COL16A1: variants seen among roughly 807,000 people sequenced by gnomAD.
COL16A1 encodes the protein collagen alpha-1(XVI) chain.
In COL16A1, 189 loss-of-function variants were observed where a neutral mutation model predicts 266.3. That is an observed-to-expected ratio of 0.71 (90% confidence interval 0.63 to 0.80). COL16A1 has a LOEUF of 0.80. COL16A1 is among the 30% of genes least tolerant of loss of function. COL16A1 has a pLI of 0.00. For missense variants in COL16A1, 1,928 were observed against 2,122.4 expected, an observed-to-expected ratio of 0.91 and a Z score of 1.80; for synonymous variants, 740 against 782.3, an observed-to-expected ratio of 0.95 and a Z score of 0.90.
chr1:31,655,805 C>T, intron 66 of COL16A1: 1 of 408,028 alleles, frequency 2.5e-6, no homozygotes, highest in East Asian at 4.8e-5. Flanking sequence ...CCTCAGCCTC[C>T]TCTCCCCACC....
At chr1:31,694,231 A>G in intron 11 of COL16A1, 61 bp from the exon 12 acceptor site, 1 of 1,462,296 alleles carries the variant, frequency 6.8e-7, no homozygotes, top group Non-Finnish European at 9.4e-7. Flanking sequence ...AGGGGCCCAG[A>G]GAAGTCAAGC....
chr1:31,690,630 G>A (rs1032412429), intron 20 of COL16A1, 57 bp from the exon 21 acceptor site: 41 of 1,592,830 alleles, frequency 2.6e-5, no homozygotes, highest in Admixed American at 2.1e-4. Context: ...ATCTCGGTGC[G>A]TTCCCCCTTC....
At chr1:31,675,381 T>C in intron 42 of COL16A1, 70 bp from the exon 43 acceptor site, 1 of 1,573,588 alleles carries the variant, frequency 6.4e-7, no homozygotes. Flanking sequence ...TGTTTCCTTC[T>C]CATCATCCCC....
intron 22 of COL16A1, 65 bp downstream of exon 22, chr1:31,690,302 A>G (rs1644201229): frequency 6.2e-7 from 1 of 1,608,260 alleles, no homozygotes; most frequent in African/African-American, 1.3e-5. Flanking sequence ...CTTGATGCTC[A>G]CTGTCATGTG....
At chr1:31,693,517 CAG>C (rs1180689067) in intron 12 of COL16A1, among the ~76,000 whole-genome samples, 1 of 152,196 alleles carries the variant, frequency 6.6e-6, no homozygotes, top group African/African-American at 2.4e-5. Flanking sequence ...GGCTGAGTGT[CAG>C]GCTGCCTGAC....
At position 31,689,779 on chromosome 1, in the gene COL16A1, C is replaced by T; in HGVS notation, c.1582G>A (p.Gly528Arg). 6.2e-7 allele frequency: 1 copy of T among 1,614,138 alleles called. No individual in the cohort carries two copies. Among genetic ancestry groups the T allele is most frequent in the Non-Finnish European group, 8.5e-7 (1 of 1,180,002 alleles). Residue 528 changes from glycine (G) to arginine (R), a missense_variant, in exon 23 of 71, where the codon GGG becomes AGG. Gly to Arg is a moderately radical substitution (Grantham distance 125). Coordinates refer to ENST00000373672, the MANE Select transcript of COL16A1 (RefSeq NM_001856.4). Reference sequence around the variant, plus strand: ...GGATCACCAGGCTCCCCTTTGGGCCCTGGCTTTCCAGGAAGTCCAACAAAG... The same window carrying T: ...GGATCACCAGGCTCCCCTTTGGGCCTTGGCTTTCCAGGAAGTCCAACAAAG... ...QNFVGLPGKP[G>R]PKGEPGDPVP...
rs1644297045 is a variant in COL16A1 at position 31,692,084 on chromosome 1, CAG to C, written c.1195-19_1195-18del. 6.2e-7 allele frequency: 1 copy of C among 1,613,316 alleles called. No individual in the cohort carries two copies. The highest frequency in any genetic ancestry group is 1.3e-5 in the African/African-American group (1 of 74,870). On this transcript the variant is annotated intron_variant, in intron 16 of 70. Coordinates refer to ENST00000373672, the MANE Select transcript of COL16A1 (RefSeq NM_001856.4). ...TTTCTGGCCCTGGGGAAGGAAGAAG[CAG>C]AGTGACCAGGATGAGGGAAGGGCCT... is the stretch of plus-strand genomic sequence containing the variant.
intron 22 of COL16A1, 115 bp downstream of exon 22, chr1:31,690,252 G>T (rs1644199097): frequency 4.0e-6 from 6 of 1,491,536 alleles, no homozygotes; most frequent in Non-Finnish European, 5.4e-6. Flanking sequence ...AACGGGTGGG[G>T]GTCCCCTGAG....
In COL16A1 at chr1:31,697,608, T is replaced by C. The variant is rs1209336597; in HGVS notation, c.657+298A>G. 6.6e-6 allele frequency among the ~76,000 whole-genome samples: 1 copy of C among 152,044 alleles called. No individual in the cohort carries two copies. Among genetic ancestry groups the C allele is most frequent in the African/African-American group, 2.4e-5 (1 of 41,390 alleles). ...GGCATTCCAGGTGGAGGTAACAGCG[T>C]AGGCAAAGGCACGGCAGTGTGAAAG... is the stretch of plus-strand genomic sequence containing the variant. On this transcript the variant is annotated intron_variant, in intron 6 of 70. Transcript: ENST00000373672. The surrounding 1 kb of genome is among the most constrained non-coding windows in gnomAD (Gnocchi z 4.2).
chr1:31,665,223 T>G lies in COL16A1; in HGVS notation c.3504A>C (p.Gly1168=). Reference sequence around the variant, plus strand: ...CAGGTGATCCAACTTTGCCTGGGAATCCAGGGGGACCCTGTATCAACAAAG... The same window carrying G: ...CAGGTGATCCAACTTTGCCTGGGAAGCCAGGGGGACCCTGTATCAACAAAG... ...PGFPGPPGPP[G]FPGKVGSPGP... The change falls in exon 56 of 71, where the codon GGA becomes GGC. Residue 1168 remains glycine (G), a synonymous_variant. Transcript: ENST00000373672. 1.9e-6 allele frequency: 3 copies of G among 1,597,380 alleles called. No homozygotes were observed. The South Asian group carries it at 3.4e-5, about 18-fold the overall frequency.
chr1:31,662,542 G>A (rs770902707), intron 57 of COL16A1, 45 bp downstream of exon 57: 37 of 1,549,744 alleles, frequency 2.4e-5, no homozygotes, highest in South Asian at 9.5e-5. Flanking sequence ...ACACACATGC[G>A]CATGCATCGC....
At chr1:31,702,412 G>A (rs1242013084) in intron 1 of COL16A1, among the ~76,000 whole-genome samples, 185 bp from the exon 2 acceptor site, 1 of 152,174 alleles carries the variant, frequency 6.6e-6, no homozygotes, top group Non-Finnish European at 1.5e-5. Context: ...GAGCAGAGGC[G>A]ATATTCAAAA....
chr1:31,680,075 G>A lies in COL16A1; in HGVS notation c.2637C>T (p.Pro879=), dbSNP rs767079555. Residue 879 remains proline, a synonymous_variant, in exon 40 of 71, where the codon CCC becomes CCT. Transcript: ENST00000373672. ...EKGEPGECSC[P]SQGDLIFSGM... Reference sequence around the variant, plus strand: ...CAGAGAAGATGAGGTCTCCTTGAGAGGGGCAGGAGCACTCCCCTGGCTCAC... The same window carrying A: ...CAGAGAAGATGAGGTCTCCTTGAGAAGGGCAGGAGCACTCCCCTGGCTCAC... 8.1e-6 allele frequency: 13 copies of A among 1,613,924 alleles called. No individual in the cohort carries two copies. The highest frequency in any genetic ancestry group is 1.1e-5 in the South Asian group (1 of 91,028).
intron 42 of COL16A1, among the ~76,000 whole-genome samples, chr1:31,676,920 T>C (rs1168767718): frequency 6.6e-6 from 1 of 152,188 alleles, no homozygotes; most frequent in Non-Finnish European, 1.5e-5. Context: ...CAATGGAACA[T>C]ATCACCAGCC....
Position 31,683,973 on chromosome 1 carries a change from G to A in COL16A1, c.2314C>T (p.Pro772Ser), listed in dbSNP as rs1643842855. ...ACCTGCACGCCCTTCAGTCCTGGGG[G>A]CCCTTGAACTCCTGGTAGACCGGGT... ...GQPGLPGVQG[P>S]PGLKGVQGEP... Residue 772 changes from proline to serine, a missense_variant, in exon 33 of 71, where the codon CCC (proline) becomes TCC (serine). Around this residue, in one of 2 missense-constraint regions of COL16A1, gnomAD observed 1,552 missense variants for 1,637.2 expected, o/e 0.95. Transcript: ENST00000373672. 1.2e-6 allele frequency: 2 copies of A among 1,614,072 alleles called. No individual in the cohort carries two copies. Among genetic ancestry groups the A allele is most frequent in the East Asian group, 2.2e-5 (1 of 44,886 alleles).
Position 31,668,869 on chromosome 1 carries a change from A to G in COL16A1, c.3196-14T>C. On this transcript the variant is annotated splice_polypyrimidine_tract_variant and intron_variant, in intron 49 of 70. Coordinates refer to ENST00000373672, the MANE Select transcript of COL16A1 (RefSeq NM_001856.4). The surrounding 1 kb of genome is among the most constrained non-coding windows in gnomAD (Gnocchi z 5.8). The stretch of plus-strand genomic sequence containing the variant: ...TCCTTGAAGGCCCTTGGAGAGAAAA[A>G]TCATGAGAAACTGCAGGAGCCGGCG... 6.2e-7 allele frequency: 1 copy of G among 1,612,734 alleles called. No individual in the cohort carries two copies. Among genetic ancestry groups the G allele is most frequent in the Non-Finnish European group, 8.5e-7 (1 of 1,179,418 alleles).
intron 4 of COL16A1, 35 bp downstream of exon 4, chr1:31,699,778 G>T: frequency 7.6e-7 from 1 of 1,320,114 alleles, no homozygotes; most frequent in Non-Finnish European, 1.1e-6. Context: ...GCTGAGGTCA[G>T]TGTTGATTCT....
chr1:31,680,282 G>A (rs1471397453), intron 39 of COL16A1, among the ~76,000 whole-genome samples, 181 bp from the exon 40 acceptor site: 2 of 152,194 alleles, frequency 1.3e-5, no homozygotes, highest in East Asian at 3.8e-4. Context: ...CTCCTCGCCT[G>A]TAAAATGGGA....
rs1468791664 is a variant in COL16A1, at chr1:31,656,592, C to T, written c.4057-148G>A. 2 of 1,297,206 alleles carry T rather than the reference C, an allele frequency of 1.5e-6. No individual in the cohort carries two copies. The highest frequency in any genetic ancestry group is 5.1e-5 in the East Asian group (2 of 39,112). 80.4% of individuals were successfully genotyped at this position (1,297,206 alleles called of 1,614,324 possible). ...CTGTGTGAGAAAGGAGCGCAGCCTC[C>T]CTGCCCAGCTGGAAGGGAAAATAAT... On this transcript the variant is annotated intron_variant, in intron 65 of 70. Transcript: ENST00000373672. The surrounding 1 kb of genome is among the most constrained non-coding windows in gnomAD (Gnocchi z 4.2).
Sources: allele counts gnomAD v4.1 joint callset (sites outside exome capture counted in the v4.1 genomes callset), GRCh38; gene constraint gnomAD v4.1.1; regional missense constraint gnomAD v4.1.1; non-coding constraint Gnocchi (gnomAD v3.1); transcripts MANE v1.5; gene names NCBI Gene and HGNC (gene_info 2026-07-23, HGNC 2026-07-21).